Variants in MGARP observed in about 807,000 individuals in gnomAD.
MGARP encodes the protein protein MGARP.
In MGARP, 12 loss-of-function variants were observed where a neutral mutation model predicts 11.0. That is an observed-to-expected ratio of 1.09 (90% CI 0.70 to 1.77). The LOEUF (loss-of-function observed/expected upper bound fraction) is 1.77. MGARP is among the 40% of genes most tolerant of loss of function. The pLI, the probability that MGARP is intolerant of heterozygous loss-of-function variation, is 0.00. For missense variants in MGARP, 283 were observed against 297.8 expected, an observed-to-expected ratio of 0.95 and a Z score of 0.36; for synonymous variants, 110 against 115.4, an observed-to-expected ratio of 0.95 and a Z score of 0.30.
intron 3 of MGARP, among the ~76,000 whole-genome samples, 161 bp from the exon 4 acceptor site, chr4:139,267,202 T>C (rs1250198804): frequency 6.6e-6 from 1 of 152,090 alleles, no homozygotes; most frequent in Admixed American, 6.6e-5. Flanking sequence ...GAACAATGTA[T>C]ACAGTCTGCT....
intron 2 of MGARP, among the ~76,000 whole-genome samples, chr4:139,270,311 AAAAG>A (rs775511707): frequency 3.4e-4 from 51 of 151,014 alleles, no homozygotes; most frequent in East Asian, 2.7e-3. Flanking sequence ...AAAAAAAAAA[AAAAG>A]AAAGAAAGAA....
intron 2 of MGARP, among the ~76,000 whole-genome samples, chr4:139,274,554 G>T: frequency 6.6e-6 from 1 of 152,024 alleles, no homozygotes; most frequent in African/African-American, 2.4e-5. Context: ...TGTGATCTTG[G>T]CTCACTGCAA....
Position 139,268,757 on chromosome 4 carries a change from C to G in MGARP, c.195G>C (p.Lys65Asn), listed in dbSNP as rs1185016164. 1 of 1,603,936 alleles carries G rather than the reference C, an allele frequency of 6.2e-7. No individual in the cohort carries two copies. The highest frequency in any genetic ancestry group is 1.1e-5 in the South Asian group (1 of 88,958). ...GTTTGGCTTGGTCTGATGTGACTGT[C>G]TTGTAAGCCTGAAAGTAAATGTATG... Reference protein sequence around the residue: ...TVSAGGYYAYKTVTSDQAKHT... With the variant: ...TVSAGGYYAYNTVTSDQAKHT... Residue 65 changes from lysine (K) to asparagine (N), a missense_variant, in exon 3 of 4, where the codon AAG becomes AAC. Transcript: ENST00000398955.
Position 139,280,210 on chromosome 4 carries a change from C to A in MGARP, c.-52G>T. On this transcript the variant is annotated 5_prime_UTR_variant, in exon 1 of 4. It adds an upstream start codon to the 5' untranslated region. Transcript: ENST00000398955. ...CCTCGGTACCCAGGCGCAGGCTGCC[C>A]TTCCACAGAGAGGCTGAGAGCCTGG... The A allele has an allele frequency of 6.5e-7, 1 of 1,543,792 alleles. No individual in the cohort carries two copies. The highest frequency in any genetic ancestry group is 8.8e-7 in the Non-Finnish European group (1 of 1,141,134).
At chr4:139,270,608 GAAAAA>G (rs751695236) in intron 2 of MGARP, among the ~76,000 whole-genome samples, 1 of 89,064 alleles carries the variant, frequency 1.1e-5, no homozygotes, top group Non-Finnish European at 2.2e-5. Flanking sequence ...GACCGCGTCT[GAAAAA>G]AAAAAAAAAA....
intron 2 of MGARP, among the ~76,000 whole-genome samples, chr4:139,273,090 G>C (rs1346510530): frequency 6.6e-6 from 1 of 152,098 alleles, no homozygotes; most frequent in Non-Finnish European, 1.5e-5. Context: ...ATTTTTTGTA[G>C]AGATGGGGTC....
chr4:139,275,236 A>G, intron 2 of MGARP, 53 bp downstream of exon 2: 1 of 1,458,528 alleles, frequency 6.9e-7, no homozygotes, highest in Non-Finnish European at 9.6e-7. Context: ...GAGCTTTACC[A>G]TGAGTTGTAA....
At chr4:139,274,862 G>C (rs1744843089) in intron 2 of MGARP, among the ~76,000 whole-genome samples, 1 of 152,134 alleles carries the variant, frequency 6.6e-6, no homozygotes, top group Non-Finnish European at 1.5e-5. Flanking sequence ...TAGACTTGTT[G>C]TAATTATTAA....
At chr4:139,268,058 A>G (rs982892698) in intron 3 of MGARP, among the ~76,000 whole-genome samples, 3 of 150,772 alleles carry the variant, frequency 2.0e-5, no homozygotes, top group Non-Finnish European at 4.4e-5. Flanking sequence ...TCAAGGCTGC[A>G]GTAGGCTATG....
At chr4:139,272,561 CAAAAAAA>C (rs35412789) in intron 2 of MGARP, among the ~76,000 whole-genome samples, 3 of 109,322 alleles carry the variant, frequency 2.7e-5, no homozygotes, top group African/African-American at 9.3e-5. Context: ...TGTCCCCTCC[CAAAAAAA>C]AAAAAAAAAA....
At position 139,278,564 on chromosome 4, in the gene MGARP, G is replaced by T. The variant is rs1239079014; in HGVS notation, c.82+1513C>A. 5.3e-5 allele frequency among the ~76,000 whole-genome samples: 8 copies of T among 152,078 alleles called. No homozygotes were observed. In the East Asian group the frequency reaches 1.5e-3, roughly 29 times the overall value. Reference sequence around the variant, plus strand: ...AAGAAAATTATTTGGAATTTCTGCAGCTACAAAAAAAAGGTGCGCGTGTGT... The same window carrying T: ...AAGAAAATTATTTGGAATTTCTGCATCTACAAAAAAAAGGTGCGCGTGTGT... On this transcript the variant is annotated intron_variant, in intron 1 of 3. Transcript: ENST00000398955.
In MGARP at chr4:139,266,946, G is replaced by C; in HGVS notation, c.376C>G (p.Pro126Ala). 1 of 1,614,166 alleles carries C rather than the reference G, an allele frequency of 6.2e-7. No individual in the cohort carries two copies. The highest frequency in any genetic ancestry group is 8.5e-7 in the Non-Finnish European group (1 of 1,180,030). ...TTTATGACCACAACTGTAGCACTGG[G>C]ACTTTCTTCAGCATCTACCACCTCA... ...EAEVVDAEESPSATVVVIKEA... is the reference protein window; with the variant it reads ...EAEVVDAEESASATVVVIKEA... Residue 126 changes from proline to alanine, a missense_variant, in exon 4 of 4, where the codon CCC becomes GCC. Coordinates refer to ENST00000398955, the MANE Select transcript of MGARP (RefSeq NM_032623.4).
In MGARP at chr4:139,266,674, C is replaced by T; in HGVS notation, c.648G>A (p.Glu216=). 6.2e-7 allele frequency: 1 copy of T among 1,614,152 alleles called. No homozygotes were observed. Among genetic ancestry groups the T allele is most frequent in the East Asian group, 2.2e-5 (1 of 44,888 alleles). ...AELEEENSPA[E]SESSAGDDLQ... Reference sequence around the variant, plus strand: ...AATCATCTCCAGCAGAGGACTCTGACTCAGCTGGAGAATTTTCTTCTTCTA... The same window carrying T: ...AATCATCTCCAGCAGAGGACTCTGATTCAGCTGGAGAATTTTCTTCTTCTA... Residue 216 remains glutamate, a synonymous_variant, in exon 4 of 4, where the codon GAG becomes GAA. Coordinates refer to ENST00000398955, the MANE Select transcript of MGARP (RefSeq NM_032623.4).
intron 1 of MGARP, among the ~76,000 whole-genome samples, chr4:139,279,443 G>A (rs1320627165): frequency 6.6e-6 from 1 of 152,188 alleles, no homozygotes; most frequent in Non-Finnish European, 1.5e-5. Context: ...CAACCTCAAA[G>A]GAAAGTGTCC....
chr4:139,275,343 T>G lies in MGARP; in HGVS notation c.132A>C (p.Ser44=), dbSNP rs773896607. ...CTACAACCAGATAATAAATCATATTTGATCCAGATGATCCAGGGAATCTGT... is the reference window on the plus strand; with the variant it reads ...CTACAACCAGATAATAAATCATATTGGATCCAGATGATCCAGGGAATCTGT... ...SSNRFPGSSG[S]NMIYYLVVGV... The change falls in exon 2 of 4, where the codon TCA becomes TCC. Residue 44 remains serine, a synonymous_variant. Transcript: ENST00000398955. The G allele has an allele frequency of 2.0e-5, 33 of 1,613,970 alleles. No homozygotes were observed. The highest frequency in any genetic ancestry group is 2.6e-5 in the Non-Finnish European group (31 of 1,179,996).
chr4:139,274,550 C>T (rs955262998), intron 2 of MGARP, among the ~76,000 whole-genome samples: 1 of 152,072 alleles, frequency 6.6e-6, no homozygotes, highest in Non-Finnish European at 1.5e-5. Context: ...ATGATGTGAT[C>T]TTGGCTCACT....
chr4:139,267,136 A>G (rs774470888), intron 3 of MGARP, 95 bp from the exon 4 acceptor site: 3 of 1,138,168 alleles, frequency 2.6e-6, no homozygotes, highest in Non-Finnish European at 3.8e-6. Context: ...ACAGAACTAC[A>G]TGCACTGATG....
At chr4:139,275,573 A>G (rs912458058) in intron 1 of MGARP, among the ~76,000 whole-genome samples, 181 bp from the exon 2 acceptor site, 3 of 152,212 alleles carry the variant, frequency 2.0e-5, no homozygotes, top group Non-Finnish European at 4.4e-5. Flanking sequence ...CAGTCTCCCA[A>G]TCTAATTTGA....
At chr4:139,268,578 G>T in intron 3 of MGARP, 94 bp downstream of exon 3, 2 of 834,978 alleles carry the variant, frequency 2.4e-6, no homozygotes, top group Non-Finnish European at 3.6e-6. Flanking sequence ...TAGGAAAGAA[G>T]CCAAAAGCAA....
Sources: allele counts gnomAD v4.1 joint callset (sites outside exome capture counted in the v4.1 genomes callset), GRCh38; gene constraint gnomAD v4.1.1; transcripts MANE v1.5; gene names NCBI Gene and HGNC (gene_info 2026-07-23, HGNC 2026-07-21).